Variants in CLSPN observed in about 807,000 individuals in gnomAD.
CLSPN encodes the protein claspin homolog.
A neutral mutation model predicts 156.3 loss-of-function variants in CLSPN; 85 were observed. That is an observed-to-expected ratio of 0.54 (90% CI 0.46 to 0.65). The LOEUF is 0.65. Ranked by LOEUF, CLSPN falls within the 30% of genes least tolerant of loss-of-function variation. The pLI is 0.00. For synonymous variants in CLSPN, 534 were observed against 542.4 expected (o/e 0.98, Z 0.22); for missense variants, 1,407 against 1,554.9 (o/e 0.90, Z 1.60).
chr1:35,725,098 C>A (rs1641147479), intron 24 of CLSPN, among the ~76,000 whole-genome samples: 1 of 152,128 alleles, frequency 6.6e-6, no homozygotes, highest in Admixed American at 6.5e-5. Flanking sequence ...ATCTGTCTTC[C>A]CCTAAACCCT....
rs115199034 is a variant in CLSPN, at chr1:35,739,312, G to A, written c.3308+53C>T. ...CAAGGACCATTCTGGCTGGTTACAG[G>A]GCTTGTCTTAAGATGTACCCTATTA... On this transcript the variant is annotated intron_variant, in intron 19 of 24. Coordinates refer to ENST00000318121, the MANE Select transcript of CLSPN (RefSeq NM_022111.4). 1,947 of 1,613,924 alleles carry A rather than the reference G, an allele frequency of 1.2e-3. 19 individuals are homozygous for A. The African/African-American group carries it at 0.022, about 18-fold the overall frequency.
At chr1:35,762,571 C>T in intron 4 of CLSPN, 90 bp from the exon 5 acceptor site, 1 of 816,530 alleles carries the variant, frequency 1.2e-6, no homozygotes, top group Non-Finnish European at 2.1e-6. Context: ...TCCAACACCA[C>T]ATCATGCTAC....
chr1:35,743,501 C>A lies in CLSPN; in HGVS notation c.2996G>T (p.Gly999Val). Residue 999 changes from glycine (G) to valine (V), a missense_variant, in exon 17 of 25, where the codon GGA (glycine) becomes GTA (valine). Gly to Val is a moderately radical substitution (Grantham distance 109). This residue lies in a region of CLSPN where 1,096 missense variants were observed against 1,193.0 expected (regional missense o/e 0.92). Transcript: ENST00000318121. ...KEEEDEEEEF[G>V]DFRLVSNDNE... is the part of the protein sequence containing the mutation. Reference sequence around the variant, plus strand: ...ATCATTTGAAACAAGCCGAAAGTCTCCAAATTCCTCCTCCTCGTCTTCCTC... The same window carrying A: ...ATCATTTGAAACAAGCCGAAAGTCTACAAATTCCTCCTCCTCGTCTTCCTC... 1.2e-6 allele frequency: 2 copies of A among 1,613,730 alleles called. No individual in the cohort carries two copies. The highest frequency in any genetic ancestry group is 8.5e-7 in the Non-Finnish European group (1 of 1,179,710).
At chr1:35,754,547 A>G (rs1025706245) in intron 8 of CLSPN, among the ~76,000 whole-genome samples, 1 of 152,164 alleles carries the variant, frequency 6.6e-6, no homozygotes, top group Admixed American at 6.5e-5. Flanking sequence ...GGGTTTCACC[A>G]TGTTAGCCAG....
chr1:35,760,328 A>G lies in CLSPN; in HGVS notation c.1579+14T>C. On this transcript the variant is annotated intron_variant, in intron 8 of 24. Coordinates refer to ENST00000318121, the MANE Select transcript of CLSPN (RefSeq NM_022111.4). ...AATCACTCCAGGGAGGCTCCCCACA[A>G]TGTAAAGGATTACCTCTGTTGGTTT... 1 of 1,599,734 alleles carries G rather than the reference A, an allele frequency of 6.3e-7. No homozygotes were observed. The highest frequency in any genetic ancestry group is 8.5e-7 in the Non-Finnish European group (1 of 1,170,308).
chr1:35,765,034 A>G (rs1356115793), intron 2 of CLSPN, among the ~76,000 whole-genome samples, 184 bp downstream of exon 2: 1 of 152,248 alleles, frequency 6.6e-6, no homozygotes, highest in Non-Finnish European at 1.5e-5. Context: ...GCTATTAGAC[A>G]TTCAACAATA....
At chr1:35,768,483 C>G (rs1389853591) in intron 1 of CLSPN, among the ~76,000 whole-genome samples, 1 of 151,762 alleles carries the variant, frequency 6.6e-6, no homozygotes, top group Non-Finnish European at 1.5e-5. Flanking sequence ...TCATGGCTCA[C>G]TGCAGCCTTG....
intron 9 of CLSPN, among the ~76,000 whole-genome samples, 180 bp from the exon 10 acceptor site, chr1:35,751,686 T>C (rs879193560): frequency 1.3e-5 from 2 of 152,152 alleles, no homozygotes; most frequent in Admixed American, 1.3e-4. Flanking sequence ...AAAGAGAACT[T>C]CTGCACCCTA....
chr1:35,725,546 C>T, intron 24 of CLSPN, among the ~76,000 whole-genome samples: 1 of 151,910 alleles, frequency 6.6e-6, no homozygotes, highest in Admixed American at 6.5e-5. Flanking sequence ...CGGCCGCCCA[C>T]CTCTCCTCCA....
downstream of CLSPN, among the ~76,000 whole-genome samples, chr1:35,730,074 A>C (rs1032403383): frequency 2.6e-5 from 4 of 152,018 alleles, no homozygotes; most frequent in Non-Finnish European, 5.9e-5. Flanking sequence ...GCCTCCCATC[A>C]CTCATTGCTC....
intron 1 of CLSPN, among the ~76,000 whole-genome samples, chr1:35,769,603 C>T (rs1642795923): frequency 6.6e-6 from 1 of 152,184 alleles, no homozygotes; most frequent in East Asian, 1.9e-4. Flanking sequence ...CAGTGCGCGC[C>T]GCAGAGACCT....
Position 35,735,489 on chromosome 1 carries a change from C to T in CLSPN, c.*1007G>A. ...TTGGGAGGCTGAGGCAGCTGGATCACTTGAGGTCAGGAGATCGAGACCAGC... is the reference window on the plus strand; with the variant it reads ...TTGGGAGGCTGAGGCAGCTGGATCATTTGAGGTCAGGAGATCGAGACCAGC... On this transcript the variant is annotated 3_prime_UTR_variant, in exon 25 of 25. Transcript: ENST00000318121. The T allele has an allele frequency of 8.1e-6, 7 of 861,656 alleles. No individual in the cohort carries two copies. The highest frequency in any genetic ancestry group is 8.4e-6 in the Non-Finnish European group (6 of 717,298). The allele number at this position is 861,656 out of a possible 1,614,324, so 53.4% of individuals were successfully genotyped here.
Position 35,736,244 on chromosome 1 carries a change from C to A in CLSPN, c.*252G>T. ...AAAAAAAAAAAAAAAAAGGAAACCT[C>A]ACCCAAGTATTCCATGAGTTGTTGA... On this transcript the variant is annotated 3_prime_UTR_variant, in exon 25 of 25. Transcript: ENST00000318121. 1 of 1,079,290 alleles carries A rather than the reference C, an allele frequency of 9.3e-7. No homozygotes were observed. 66.9% of individuals were successfully genotyped at this position (1,079,290 alleles called of 1,614,324 possible). A position where few individuals can be genotyped will look rare whatever the true frequency, so the allele number is the denominator to read the frequency against.
In CLSPN at chr1:35,765,344, A is replaced by G. The variant is rs746799174; in HGVS notation, c.25-18T>C. ...AGGTGAACCTAGAAAATGACAATAT[A>G]CTTTATATCAACCAGCAGGTGACCG... On this transcript the variant is annotated intron_variant, in intron 1 of 24. Coordinates refer to ENST00000318121, the MANE Select transcript of CLSPN (RefSeq NM_022111.4). The G allele has an allele frequency of 3.9e-6, 6 of 1,552,106 alleles. No individual in the cohort carries two copies. The highest frequency in any genetic ancestry group is 5.3e-6 in the Non-Finnish European group (6 of 1,125,476).
chr1:35,745,895 A>T (rs1641861835), intron 15 of CLSPN, among the ~76,000 whole-genome samples: 1 of 152,238 alleles, frequency 6.6e-6, no homozygotes, highest in South Asian at 2.1e-4. Context: ...TAAACTTTGT[A>T]CATACATTAA....
At position 35,736,926 on chromosome 1, in the gene CLSPN, C is replaced by T. The variant is rs370131184; in HGVS notation, c.3897G>A (p.Ser1299=). 10 of 1,613,918 alleles carry T rather than the reference C, an allele frequency of 6.2e-6. No homozygotes were observed. In the East Asian group the frequency reaches 1.3e-4, roughly 22 times the overall value. The change falls in exon 24 of 25, where the codon TCG becomes TCA. Residue 1299 remains serine, a synonymous_variant. Transcript: ENST00000318121. ...SPVKAEAAKE[S]SKSQVKKRGP... is the part of the protein sequence containing the mutation. ...TCAAATTCCATACCTGAGACTTAGA[C>T]GATTCCTTTGCCGCCTCAGCCTTGA...
In CLSPN at chr1:35,735,425, T is replaced by C. The variant is rs1304816150; in HGVS notation, c.*1071A>G. ...TCCTCCATCTAAGAAATCGTTCTTT[T>C]GGCTGGGCACAGTGGCTCACGCCTG... is the stretch of plus-strand genomic sequence containing the variant. On this transcript the variant is annotated 3_prime_UTR_variant, in exon 25 of 25. Coordinates refer to ENST00000318121, the MANE Select transcript of CLSPN (RefSeq NM_022111.4). 1 of 985,354 alleles carries C rather than the reference T, an allele frequency of 1.0e-6. No individual in the cohort carries two copies. Among genetic ancestry groups the C allele is most frequent in the East Asian group, 1.1e-4 (1 of 8,810 alleles). 61.0% of individuals were successfully genotyped at this position (985,354 alleles called of 1,614,324 possible). A position where few individuals can be genotyped will look rare whatever the true frequency, so the allele number is the denominator to read the frequency against.
At chr1:35,725,062 A>G (rs1437710419) in intron 24 of CLSPN, among the ~76,000 whole-genome samples, 1 of 152,068 alleles carries the variant, frequency 6.6e-6, no homozygotes, top group Non-Finnish European at 1.5e-5. Flanking sequence ...TCCTCAACAA[A>G]ATCTTTCCAA....
At position 35,760,423 on chromosome 1, in the gene CLSPN, G is replaced by C. The variant is rs899293345; in HGVS notation, c.1498C>G (p.Leu500Val). The change falls in exon 8 of 25, where the codon CTG (leucine) becomes GTG (valine). Residue 500 changes from leucine to valine, a missense_variant. This residue lies in a region of CLSPN where 1,096 missense variants were observed against 1,193.0 expected (regional missense o/e 0.92). Transcript: ENST00000318121. ...GGTTTAATGGAAACATCTACTCCCA[G>C]TTGCTTAAGTCTATCCAGAGTAAAC... Reference protein sequence around the residue: ...RRFTLDRLKQLGVDVSIKPRL... With the variant: ...RRFTLDRLKQVGVDVSIKPRL... 1.9e-6 allele frequency: 3 copies of C among 1,614,186 alleles called. No individual in the cohort carries two copies. The highest frequency in any genetic ancestry group is 3.3e-5 in the Admixed American group (2 of 60,018).
Sources: allele counts gnomAD v4.1 joint callset (sites outside exome capture counted in the v4.1 genomes callset), GRCh38; gene constraint gnomAD v4.1.1; regional missense constraint gnomAD v4.1.1; transcripts MANE v1.5; gene names NCBI Gene and HGNC (gene_info 2026-07-23, HGNC 2026-07-21).